Variants in SLC4A8 observed in about 807,000 individuals in gnomAD.
The protein encoded by SLC4A8 is solute carrier family 4 member 8.
A neutral mutation model predicts 125.0 loss-of-function variants in SLC4A8; 40 were observed. That is an observed-to-expected ratio of 0.32 (90% CI 0.25 to 0.42). The LOEUF is 0.42. SLC4A8 is among the 10% of genes least tolerant of loss of function. SLC4A8 has a pLI of 1.00. For missense variants in SLC4A8, 863 were observed against 1,355.1 expected (o/e 0.64, Z 5.70); for synonymous variants, 456 against 476.0 (o/e 0.96, Z 0.55).
chr12:51,422,427 T>G (rs987249225), upstream of SLC4A8, among the ~76,000 whole-genome samples: 1 of 152,062 alleles, frequency 6.6e-6, no homozygotes, highest in African/African-American at 2.4e-5. Context: ...TGGAGTGGAG[T>G]GGTATACTGA....
At chr12:51,482,829 G>T (rs1298050404) in intron 16 of SLC4A8, among the ~76,000 whole-genome samples, 1 of 152,192 alleles carries the variant, frequency 6.6e-6, no homozygotes, top group African/African-American at 2.4e-5. Context: ...GGAGCACTAT[G>T]TGGCACAGAA....
In SLC4A8 at chr12:51,458,605, A is replaced by G; in HGVS notation, c.810A>G (p.Val270=). 6.2e-7 allele frequency: 1 copy of G among 1,613,746 alleles called. No individual in the cohort carries two copies. The highest frequency in any genetic ancestry group is 8.5e-7 in the Non-Finnish European group (1 of 1,179,650). The change falls in exon 7 of 25, where the codon GTA becomes GTG. Residue 270 remains valine, a synonymous_variant. Coordinates refer to ENST00000453097, the MANE Select transcript of SLC4A8 (RefSeq NM_001039960.3). ...PQSVPTTNLE[V]KNGVNCEHSP... Reference sequence around the variant, plus strand: ...CTGTTCCAACTACAAATCTTGAAGTAAAAAATGGAGTGAATTGTGAACATA... The same window carrying G: ...CTGTTCCAACTACAAATCTTGAAGTGAAAAATGGAGTGAATTGTGAACATA...
At chr12:51,463,807 G>A in intron 11 of SLC4A8, 93 bp downstream of exon 11, 2 of 819,408 alleles carry the variant, frequency 2.4e-6, no homozygotes, top group South Asian at 3.4e-5. Context: ...CTACTTCTCT[G>A]TGGTGGGAAT....
rs1162544001 is a variant in SLC4A8, at chr12:51,474,371, AC to A, written c.1935del (p.Asn645LysfsTer14). On this transcript the variant is annotated frameshift_variant, in exon 15 of 25. Transcript: ENST00000453097. LOFTEE classifies it high-confidence loss of function. ...YCRCTLPENP[N>X]NHTLQYWKDH... ...AGGTGTACTCTGCCAGAGAATCCAA[AC>A]AATCACACCCTCCAGTACTGGAAGG... 6.3e-7 allele frequency: 1 copy of A among 1,596,408 alleles called. No individual in the cohort carries two copies.
Position 51,469,656 on chromosome 12 carries a change from C to T in SLC4A8, c.1392C>T (p.Pro464=). The part of the protein sequence containing the change: ...GLVLDIKRKA[P]WYWSDYRDAL... ...TGCTGGACATCAAGCGGAAGGCCCCCTGGTACTGGAGCGACTACCGAGATG... is the reference window on the plus strand; with the variant it reads ...TGCTGGACATCAAGCGGAAGGCCCCTTGGTACTGGAGCGACTACCGAGATG... The change falls in exon 12 of 25, where the codon CCC becomes CCT. Residue 464 remains proline, a synonymous_variant. Coordinates refer to ENST00000453097, the MANE Select transcript of SLC4A8 (RefSeq NM_001039960.3). 2 of 1,608,486 alleles carry T rather than the reference C, an allele frequency of 1.2e-6. No individual in the cohort carries two copies. Among genetic ancestry groups the T allele is most frequent in the Non-Finnish European group, 1.7e-6 (2 of 1,177,848 alleles).
chr12:51,462,533 G>T, intron 10 of SLC4A8, 77 bp downstream of exon 10: 3 of 1,186,074 alleles, frequency 2.5e-6, no homozygotes, highest in Non-Finnish European at 2.4e-6. Context: ...AGACCATGTG[G>T]GTATATGCTA....
At chr12:51,451,560 A>G (rs983828519) in intron 3 of SLC4A8, among the ~76,000 whole-genome samples, 2 of 152,168 alleles carry the variant, frequency 1.3e-5, no homozygotes, top group African/African-American at 4.8e-5. Flanking sequence ...TTGTTTGAAC[A>G]TGTGGCCTGT....
rs994742929 is a variant in SLC4A8, at chr12:51,393,181, C to G, written c.-112+1693C>G. 1.3e-5 allele frequency among the ~76,000 whole-genome samples: 2 copies of G among 151,784 alleles called. 1 individual carries two copies. Among genetic ancestry groups the G allele is most frequent in the Admixed American group, 1.3e-4 (2 of 15,238 alleles). ...CCAGGCTGGAGTGCAGTGGAGCTAT[C>G]ACGGCTCACTGCAGCCTTGACCTCC... On this transcript the variant is annotated intron_variant, in intron 1 of 24. Transcript: ENST00000358657.
intron 14 of SLC4A8, among the ~76,000 whole-genome samples, chr12:51,474,004 GAGAT>G (rs1369236181): frequency 6.1e-5 from 9 of 148,176 alleles, no homozygotes; most frequent in African/African-American, 1.0e-4. Flanking sequence ...AAGAGCCTAA[GAGAT>G]AGAAATCGGG....
rs1243413308 is a variant in SLC4A8 at position 51,512,257 on chromosome 12, G to A, written c.*4819G>A. 2 of 152,190 alleles carry A rather than the reference G, an allele frequency of 1.3e-5. No homozygotes were observed. Among genetic ancestry groups the A allele is most frequent in the African/African-American group, 4.8e-5 (2 of 41,432 alleles). The allele number at this position is 152,190 out of a possible 1,614,324, so 9.4% of individuals were successfully genotyped here. The stretch of plus-strand genomic sequence containing the variant: ...CTGGAATATGGCCCTCTGCTGTAGG[G>A]GGCGTGGCACCTGTGACTTGCACTG... On this transcript the variant is annotated 3_prime_UTR_variant, in exon 25 of 25. Transcript: ENST00000453097.
In SLC4A8 at chr12:51,457,437, C is replaced by G; in HGVS notation, c.661C>G (p.His221Asp). The G allele has an allele frequency of 6.2e-7, 1 of 1,614,110 alleles. No individual in the cohort carries two copies. The highest frequency in any genetic ancestry group is 8.5e-7 in the Non-Finnish European group (1 of 1,179,982). The change falls in exon 6 of 25, where the codon CAT (histidine) becomes GAT (aspartate). Residue 221 changes from histidine (H) to aspartate (D), a missense_variant. By Grantham distance (81) the His-to-Asp change is moderately conservative. This residue lies in a region of SLC4A8 where 390 missense variants were observed against 634.4 expected (regional missense o/e 0.61). Transcript: ENST00000453097. ...KVREALLKKH[H>D]HQNEKKRNNL... ...GCGGGAAGCCCTTCTCAAAAAGCAT[C>G]ATCATCAGAATGAAAAGAAGAGAAA...
At chr12:51,418,651 T>G (rs114018920) in intron 1 of SLC4A8, among the ~76,000 whole-genome samples, 4,083 of 152,272 alleles carry the variant, frequency 0.027, 197 homozygotes, top group African/African-American at 0.094. Flanking sequence ...CCTTTCAATT[T>G]GGTAAAATGT....
At position 51,474,413 on chromosome 12, in the gene SLC4A8, C is replaced by G; in HGVS notation, c.1976C>G (p.Thr659Arg). The G allele has an allele frequency of 1.2e-6, 2 of 1,613,756 alleles. No individual in the cohort carries two copies. The highest frequency in any genetic ancestry group is 1.7e-6 in the Non-Finnish European group (2 of 1,179,696). The change falls in exon 15 of 25, where the codon ACA becomes AGA. Residue 659 changes from threonine to arginine, a missense_variant. This residue lies in a region of SLC4A8 where 76 missense variants were observed against 80.2 expected (regional missense o/e 0.95). Coordinates refer to ENST00000453097, the MANE Select transcript of SLC4A8 (RefSeq NM_001039960.3). ...LQYWKDHNIV[T>R]AEVHWANLTV... ...TACTGGAAGGACCACAACATCGTGA[C>G]AGCAGAAGTCCACTGGGCTAACCTG...
At chr12:51,506,526 C>T (rs1200536342) in intron 24 of SLC4A8, among the ~76,000 whole-genome samples, 1 of 151,990 alleles carries the variant, frequency 6.6e-6, no homozygotes, top group African/African-American at 2.4e-5. Flanking sequence ...TCTCTGCCAT[C>T]CGGGCTCAAG....
At chr12:51,485,379 A>G (rs988027364) in intron 16 of SLC4A8, among the ~76,000 whole-genome samples, 4 of 152,090 alleles carry the variant, frequency 2.6e-5, no homozygotes, top group African/African-American at 4.8e-5. Flanking sequence ...CTGAAGGGAG[A>G]GCCAATAGGA....
At chr12:51,402,512 G>A (rs11832530) in intron 1 of SLC4A8, among the ~76,000 whole-genome samples, 2,103 of 152,112 alleles carry the variant, frequency 0.014, 53 homozygotes, top group African/African-American at 0.048. Context: ...ACCTGAGGTC[G>A]GGAGTTTGGG....
At chr12:51,500,612 T>C (rs1309124318) in intron 22 of SLC4A8, among the ~76,000 whole-genome samples, 1 of 152,090 alleles carries the variant, frequency 6.6e-6, no homozygotes. Flanking sequence ...TTTTTAGTTG[T>C]TTTATATTAC....
At chr12:51,459,263 C>T (rs1429011460) in intron 7 of SLC4A8, among the ~76,000 whole-genome samples, 2 of 152,204 alleles carry the variant, frequency 1.3e-5, no homozygotes, top group Non-Finnish European at 2.9e-5. Flanking sequence ...AAACCCCCGA[C>T]AAAACATTTG....
At chr12:51,446,115 C>T (rs1458862119) in intron 2 of SLC4A8, among the ~76,000 whole-genome samples, 1 of 152,178 alleles carries the variant, frequency 6.6e-6, no homozygotes, top group Non-Finnish European at 1.5e-5. Context: ...CTGATAATGT[C>T]AGGGTCTGGA....
Sources: gnomAD v4.1 joint callset for allele counts (sites outside exome capture counted in the v4.1 genomes callset) on GRCh38, gnomAD v4.1.1 for gene constraint, gnomAD v4.1.1 regional missense constraint, MANE v1.5 for transcripts, NCBI Gene and HGNC (gene_info 2026-07-23, HGNC 2026-07-21) for gene names.